The following RDH10 variants were observed in gnomAD, a reference collection of about 807,000 sequenced individuals.
RDH10 encodes the protein retinol dehydrogenase 10.
A neutral mutation model predicts 30.2 loss-of-function variants in RDH10; 12 were observed. The observed-to-expected ratio is 0.40, with a 90% CI of 0.25 to 0.64. RDH10 has a LOEUF of 0.64. Ranked by LOEUF, RDH10 falls within the 30% of genes least tolerant of loss-of-function variation. The pLI, the probability that RDH10 is intolerant of heterozygous loss-of-function variation, is 0.43. For synonymous variants in RDH10, 189 were observed against 172.2 expected (o/e 1.10, Z -0.76); for missense variants, 268 against 445.2 (o/e 0.60, Z 3.58).
intron 2 of RDH10, chr8:73,315,710 G>A (rs1738710402): frequency 5.5e-6 from 2 of 364,844 alleles, no homozygotes; most frequent in Non-Finnish European, 5.7e-6. Flanking sequence ...GAGTTAGAGT[G>A]GACACGTGAG....
At chr8:73,309,086 CT>C (rs55908018) in intron 2 of RDH10, among the ~76,000 whole-genome samples, 29,620 of 151,748 alleles carry the variant, frequency 0.2, 2,943 homozygotes, top group Middle Eastern at 0.23. Flanking sequence ...CATACACACA[CT>C]TTTTTTTTCC....
chr8:73,297,720 GGTTT>G (rs1420182098), intron 2 of RDH10: 5 of 283,270 alleles, frequency 1.8e-5, no homozygotes, highest in African/African-American at 4.3e-5. Context: ...TAAAACCCTG[GGTTT>G]GTTTATTTTA....
chr8:73,295,210 C>A lies in RDH10; in HGVS notation c.-80C>A. 2 of 1,343,678 alleles carry A rather than the reference C, an allele frequency of 1.5e-6. No homozygotes were observed. The highest frequency in any genetic ancestry group is 1.5e-5 in the South Asian group (1 of 67,050). The allele number at this position is 1,343,678 out of a possible 1,614,324, so 83.2% of individuals were successfully genotyped here. A position where few individuals can be genotyped will look rare whatever the true frequency, so the allele number is the denominator to read the frequency against. On this transcript the variant is annotated 5_prime_UTR_variant, in exon 1 of 6. Transcript: ENST00000240285. ...GTCCCGGCCTCTGTGACAAGCGCCC[C>A]GGAGCCGGGAGCCCGATTGCCGGGC...
intron 2 of RDH10, chr8:73,312,632 TG>T (rs1201857704): frequency 6.6e-6 from 1 of 152,208 alleles, no homozygotes; most frequent in East Asian, 1.9e-4. Flanking sequence ...TGCCCAACCA[TG>T]TGAAGGGTGC....
chr8:73,309,610 CTTT>C (rs5892406), intron 2 of RDH10, among the ~76,000 whole-genome samples: 22 of 120,516 alleles, frequency 1.8e-4, no homozygotes, highest in East Asian at 1.7e-3. Flanking sequence ...AAGTTGTTGC[CTTT>C]TTTTTTTTTT....
intron 2 of RDH10, among the ~76,000 whole-genome samples, chr8:73,316,602 T>C (rs55802030): frequency 0.071 from 10,801 of 152,272 alleles, 576 homozygotes; most frequent in South Asian, 0.12. Flanking sequence ...GTGTGTTCAC[T>C]TGCTGTATTA....
Position 73,295,201 on chromosome 8 carries a change from C to A in RDH10, c.-89C>A. 2 of 1,295,754 alleles carry A rather than the reference C, an allele frequency of 1.5e-6. No individual in the cohort carries two copies. The highest frequency in any genetic ancestry group is 2.0e-6 in the Non-Finnish European group (2 of 981,660). The allele number at this position is 1,295,754 out of a possible 1,614,324, so 80.3% of individuals were successfully genotyped here. A position where few individuals can be genotyped will look rare whatever the true frequency, so the allele number is the denominator to read the frequency against. ...AGCCTTCTCGTCCCGGCCTCTGTGA[C>A]AAGCGCCCCGGAGCCGGGAGCCCGA... On this transcript the variant is annotated 5_prime_UTR_variant, in exon 1 of 6. Coordinates refer to ENST00000240285, the MANE Select transcript of RDH10 (RefSeq NM_172037.5).
At chr8:73,309,239 T>G (rs561420264) in intron 2 of RDH10, among the ~76,000 whole-genome samples, 1 of 152,286 alleles carries the variant, frequency 6.6e-6, no homozygotes, top group East Asian at 1.9e-4. Flanking sequence ...GGGTGGAGTT[T>G]TCACAGCCCT....
chr8:73,313,342 G>T (rs1034524160), intron 2 of RDH10: 1 of 152,190 alleles, frequency 6.6e-6, no homozygotes, highest in Admixed American at 6.5e-5. Flanking sequence ...TTACAAATGT[G>T]ACCTTTACAG....
At chr8:73,322,599 C>G (rs1814790181) in intron 4 of RDH10, 80 bp from the exon 5 acceptor site, 1 of 1,155,574 alleles carries the variant, frequency 8.7e-7, no homozygotes, top group Non-Finnish European at 1.3e-6. Context: ...GATAACATCA[C>G]TGTTAATGTT....
chr8:73,301,911 A>C (rs1249929370), intron 2 of RDH10, among the ~76,000 whole-genome samples: 1 of 152,124 alleles, frequency 6.6e-6, no homozygotes, highest in East Asian at 1.9e-4. Flanking sequence ...GATTTTTACT[A>C]TTTTGTGTTA....
chr8:73,303,343 A>G (rs1049128916), intron 2 of RDH10, among the ~76,000 whole-genome samples: 5 of 152,224 alleles, frequency 3.3e-5, no homozygotes, highest in Non-Finnish European at 5.9e-5. Context: ...TTCTCTGGTT[A>G]CAGAAACTAG....
intron 3 of RDH10, 51 bp from the exon 4 acceptor site, chr8:73,320,881 G>C (rs780260901): frequency 6.3e-7 from 1 of 1,594,780 alleles, no homozygotes; most frequent in Non-Finnish European, 8.6e-7. Context: ...AGTTTGGTTG[G>C]AGATAGGGGC....
At position 73,297,283 on chromosome 8, in the gene RDH10, C is replaced by G; in HGVS notation, c.379C>G (p.Leu127Val). ...CDVGKRENVY[L>V]TAERVRKEVG... ...CGTGGGGAAGAGGGAGAACGTCTAC[C>G]TGACGGCTGAAAGAGTCCGCAAGGA... Residue 127 changes from leucine to valine, a missense_variant, in exon 2 of 6, where the codon CTG becomes GTG. This residue lies in a region of RDH10 where 136 missense variants were observed against 288.8 expected (regional missense o/e 0.47). Coordinates refer to ENST00000240285, the MANE Select transcript of RDH10 (RefSeq NM_172037.5). 6.2e-7 allele frequency: 1 copy of G among 1,614,112 alleles called. No individual in the cohort carries two copies. The highest frequency in any genetic ancestry group is 8.5e-7 in the Non-Finnish European group (1 of 1,179,942).
chr8:73,301,039 A>ATTTTTTTTTTTTTTTTTTTTTTTTTTT (rs1563547188), intron 2 of RDH10, among the ~76,000 whole-genome samples: 1 of 98,800 alleles, frequency 1.0e-5, no homozygotes, highest in African/African-American at 4.0e-5. Context: ...ACAAAACTCT[A>ATTTTTTTTTTTTTTTTTTTTTTTTTTT]TTCTTTTTTT....
chr8:73,303,323 C>T (rs895659562), intron 2 of RDH10, among the ~76,000 whole-genome samples: 1 of 152,198 alleles, frequency 6.6e-6, no homozygotes, highest in Non-Finnish European at 1.5e-5. Context: ...TCACATACTG[C>T]ATTCCTGTGT....
intron 2 of RDH10, among the ~76,000 whole-genome samples, chr8:73,298,229 C>T (rs972123760): frequency 1.3e-5 from 2 of 152,170 alleles, no homozygotes; most frequent in Admixed American, 1.3e-4. Flanking sequence ...TCTTTTTCCT[C>T]ACAGTATTTT....
intron 2 of RDH10, among the ~76,000 whole-genome samples, chr8:73,303,312 C>T (rs998769993): frequency 2.0e-5 from 3 of 152,196 alleles, no homozygotes; most frequent in African/African-American, 7.2e-5. Context: ...GGTTTTTAAT[C>T]TCACATACTG....
intron 4 of RDH10, among the ~76,000 whole-genome samples, chr8:73,321,566 C>T (rs1299497384): frequency 9.2e-5 from 14 of 152,172 alleles, no homozygotes; most frequent in Admixed American, 9.2e-4. Flanking sequence ...TAACTAGATT[C>T]ACTCTGGCAG....
Sources: allele counts gnomAD v4.1 joint callset (sites outside exome capture counted in the v4.1 genomes callset), GRCh38; gene constraint gnomAD v4.1.1; regional missense constraint gnomAD v4.1.1; transcripts MANE v1.5; gene names NCBI Gene and HGNC (gene_info 2026-07-23, HGNC 2026-07-21).